Variants in TCF4 observed in about 807,000 individuals in gnomAD.
The protein encoded by TCF4 is SL3-3 enhancer factor 2.
TCF4 carries 3 observed loss-of-function variants against 82.1 expected under a neutral mutation model. That is an observed-to-expected ratio of 0.04 (90% CI 0.02 to 0.09). The LOEUF (loss-of-function observed/expected upper bound fraction) is 0.09. Among genes scored for constraint, TCF4 ranks in the 10% least tolerant of loss-of-function variants. The pLI is 1.00. For missense variants in TCF4, 518 were observed against 852.7 expected (o/e 0.61, Z 4.89); for synonymous variants, 276 against 309.6 (o/e 0.89, Z 1.14).
At chr18:55,508,237 T>C (rs1460444432) in intron 3 of TCF4, among the ~76,000 whole-genome samples, 1 of 152,152 alleles carries the variant, frequency 6.6e-6, no homozygotes. Flanking sequence ...TAGAAGCACC[T>C]TTAGAAAACT....
upstream of TCF4, among the ~76,000 whole-genome samples, chr18:55,593,001 T>C (rs2147929200): frequency 6.6e-6 from 1 of 152,356 alleles, no homozygotes; most frequent in African/African-American, 2.4e-5. Flanking sequence ...CTAAGTACTT[T>C]TCTGATCCTT....
intron 8 of TCF4, among the ~76,000 whole-genome samples, chr18:55,333,744 T>G: frequency 6.6e-6 from 1 of 152,214 alleles, no homozygotes; most frequent in East Asian, 1.9e-4. Flanking sequence ...TTTTGTTGTT[T>G]TCAAGACTGC....
chr18:55,417,007 A>G (rs1347976685), intron 5 of TCF4, among the ~76,000 whole-genome samples: 1 of 152,244 alleles, frequency 6.6e-6, no homozygotes, highest in Non-Finnish European at 1.5e-5. Context: ...AGGACAATCC[A>G]TTATATCTGA....
intron 8 of TCF4, among the ~76,000 whole-genome samples, chr18:55,297,613 G>C (rs933874334): frequency 6.6e-6 from 1 of 152,046 alleles, no homozygotes; most frequent in Non-Finnish European, 1.5e-5. Context: ...CACTCCATTA[G>C]GCATTGTGCT....
At chr18:55,398,913 A>G (rs1273438417) in intron 6 of TCF4, among the ~76,000 whole-genome samples, 1 of 152,224 alleles carries the variant, frequency 6.6e-6, no homozygotes, top group East Asian at 1.9e-4. Context: ...ACAGGTGCTA[A>G]GGCCCTGCAA....
intron 3 of TCF4, among the ~76,000 whole-genome samples, chr18:55,555,270 A>G (rs188412567): frequency 5.6e-4 from 85 of 152,282 alleles, no homozygotes; most frequent in Non-Finnish European, 1.0e-3. Flanking sequence ...AATTCAAACA[A>G]TGCGAATACT....
At chr18:55,439,797 A>G (rs2095405594) in intron 5 of TCF4, among the ~76,000 whole-genome samples, 1 of 152,190 alleles carries the variant, frequency 6.6e-6, no homozygotes, top group Non-Finnish European at 1.5e-5. Context: ...ATCTCAGCTC[A>G]CTGCAACCGC....
intron 8 of TCF4, chr18:55,302,276 A>C (rs939593038): frequency 4.1e-5 from 30 of 738,184 alleles, no homozygotes; most frequent in Non-Finnish European, 6.6e-5. Flanking sequence ...TTAAAATGAA[A>C]GTTCTGGTGA....
At chr18:55,573,049 G>A (rs1370787219) in intron 3 of TCF4, among the ~76,000 whole-genome samples, 5 of 150,128 alleles carry the variant, frequency 3.3e-5, no homozygotes, top group African/African-American at 4.9e-5. Context: ...GCTTAACTCC[G>A]TCTCAAAAAA....
chr18:55,288,501 G>GA (rs1190697635), intron 8 of TCF4, among the ~76,000 whole-genome samples: 1 of 152,148 alleles, frequency 6.6e-6, no homozygotes, highest in African/African-American at 2.4e-5. Context: ...TTTGGAGTTT[G>GA]AGTTTTTAAG....
chr18:55,328,711 G>A (rs1296680929), intron 8 of TCF4, among the ~76,000 whole-genome samples: 1 of 152,178 alleles, frequency 6.6e-6, no homozygotes, highest in Non-Finnish European at 1.5e-5. Flanking sequence ...GATGATAGTT[G>A]AGAAACTTTT....
chr18:55,337,259 G>GAAAA (rs2078854998), intron 8 of TCF4, among the ~76,000 whole-genome samples: 1 of 152,094 alleles, frequency 6.6e-6, no homozygotes, highest in Non-Finnish European at 1.5e-5. Context: ...CCCTGCTTTT[G>GAAAA]GGTTGTCAGA....
chr18:55,481,841 G>A (rs1024818161), intron 3 of TCF4, among the ~76,000 whole-genome samples: 8 of 152,150 alleles, frequency 5.3e-5, no homozygotes, highest in East Asian at 1.9e-4. Context: ...ACTGCGATAC[G>A]TTATGAACAA....
At chr18:55,618,561 A>G (rs1323521033) in intron 2 of TCF4, among the ~76,000 whole-genome samples, 1 of 151,154 alleles carries the variant, frequency 6.6e-6, no homozygotes, top group Non-Finnish European at 1.5e-5. Flanking sequence ...GTATTTTTCT[A>G]CAATTTTTCT....
At chr18:55,488,819 G>A (rs1568204065) in intron 3 of TCF4, among the ~76,000 whole-genome samples, 2 of 152,196 alleles carry the variant, frequency 1.3e-5, no homozygotes, top group East Asian at 1.9e-4. Flanking sequence ...TAGCTTCCAC[G>A]TAAAGAAGAG....
At chr18:55,521,523 T>C (rs2096933256) in intron 3 of TCF4, among the ~76,000 whole-genome samples, 2 of 152,148 alleles carry the variant, frequency 1.3e-5, no homozygotes, top group Non-Finnish European at 2.9e-5. Flanking sequence ...TTATACGTTA[T>C]CCTCCCAAGA....
At chr18:55,422,577 G>A in intron 5 of TCF4, 7 of 505,842 alleles carry the variant, frequency 1.4e-5, no homozygotes, top group Non-Finnish European at 1.8e-5. Context: ...GGTTTAAAGA[G>A]TTAAAGACTC....
At chr18:55,634,296 A>AAAAAC (rs1371395747) in intron 1 of TCF4, among the ~76,000 whole-genome samples, 10 of 152,014 alleles carry the variant, frequency 6.6e-5, no homozygotes, top group Admixed American at 1.3e-4. Flanking sequence ...AAAACAAAAA[A>AAAAAC]AAAAACTAGA....
intron 15 of TCF4, among the ~76,000 whole-genome samples, chr18:55,243,608 G>GT (rs894841707): frequency 1.3e-5 from 2 of 151,578 alleles, no homozygotes; most frequent in African/African-American, 2.4e-5. Flanking sequence ...TTGTTTGTTT[G>GT]TTTTTTGAGA....
Sources: allele counts gnomAD v4.1 joint callset (sites outside exome capture counted in the v4.1 genomes callset), GRCh38; gene constraint gnomAD v4.1.1; transcripts MANE v1.5; gene names NCBI Gene and HGNC (gene_info 2026-07-23, HGNC 2026-07-21).